Variants in TMEM60 observed in about 807,000 individuals in gnomAD.
TMEM60 encodes the protein chromosome 7 open reading frame 35.
In TMEM60, 4 loss-of-function variants were observed where a neutral mutation model predicts 10.7. That is an observed-to-expected ratio of 0.37 (90% confidence interval 0.18 to 0.86). The LOEUF is 0.86. Ranked by LOEUF, TMEM60 falls within the 40% of genes least tolerant of loss-of-function variation. The probability of loss-of-function intolerance (pLI) is 0.43; values close to 1 mark genes in which losing one functional copy is unlikely to be tolerated. For synonymous variants in TMEM60, 56 were observed against 58.1 expected, an observed-to-expected ratio of 0.96 and a Z score of 0.17; for missense variants, 128 against 153.4, an observed-to-expected ratio of 0.83 and a Z score of 0.88.
chr7:77,793,895 T>C lies in TMEM60; in HGVS notation c.*77A>G. 1 of 1,433,380 alleles carries C rather than the reference T, an allele frequency of 7.0e-7. No homozygotes were observed. The allele number at this position is 1,433,380 out of a possible 1,614,324, so 88.8% of individuals were successfully genotyped here. A position where few individuals can be genotyped will look rare whatever the true frequency, so the allele number is the denominator to read the frequency against. The stretch of plus-strand genomic sequence containing the variant: ...ATTTTCCCTCAGTTCTCTGGTATTC[T>C]TGAAGCTTGACAGATTCAGAACACT... On this transcript the variant is annotated 3_prime_UTR_variant, in exon 2 of 2. Transcript: ENST00000257663.
rs1460109986 is a variant in TMEM60 at position 77,794,431 on chromosome 7, A to C, written c.-50-8T>G. On this transcript the variant is annotated splice_region_variant and splice_polypyrimidine_tract_variant and intron_variant, in intron 1 of 1. Transcript: ENST00000257663. ...GAAAAAAGGAAATATACCCTAAGAGAAGGAGAAAAAGTCAAGATTGTTTTG... is the reference window on the plus strand; with the variant it reads ...GAAAAAAGGAAATATACCCTAAGAGCAGGAGAAAAAGTCAAGATTGTTTTG... 7.8e-6 allele frequency: 11 copies of C among 1,412,174 alleles called. No homozygotes were observed. The highest frequency in any genetic ancestry group is 1.0e-5 in the Non-Finnish European group (11 of 1,079,944). 87.5% of individuals were successfully genotyped at this position (1,412,174 alleles called of 1,614,324 possible). A position where few individuals can be genotyped will look rare whatever the true frequency, so the allele number is the denominator to read the frequency against.
intron 1 of TMEM60, among the ~76,000 whole-genome samples, chr7:77,795,038 G>A (rs552545893): frequency 6.6e-6 from 1 of 152,196 alleles, no homozygotes; most frequent in South Asian, 2.1e-4. Context: ...CCTTGTAGTC[G>A]CAGCTACTGA....
chr7:77,797,851 C>T (rs771551020), intron 1 of TMEM60, among the ~76,000 whole-genome samples: 11 of 152,128 alleles, frequency 7.2e-5, no homozygotes, highest in Admixed American at 2.6e-4. Context: ...TTCATGAGCC[C>T]ACATATTTAT....
chr7:77,796,056 G>C (rs904231943), intron 1 of TMEM60, among the ~76,000 whole-genome samples: 9 of 151,942 alleles, frequency 5.9e-5, no homozygotes, highest in Non-Finnish European at 1.3e-4. Flanking sequence ...TCCCACTTAA[G>C]TTTCCCAAGT....
At chr7:77,794,565 A>T (rs1162962944) in intron 1 of TMEM60, 142 bp from the exon 2 acceptor site, 1 of 541,416 alleles carries the variant, frequency 1.8e-6, no homozygotes, top group African/African-American at 2.0e-5. Context: ...CAAATCCTCT[A>T]AAACTTAGTG....
In TMEM60 at chr7:77,797,956, C is replaced by T. The variant is rs561992843; in HGVS notation, c.-51+298G>A. Among the ~76,000 whole-genome samples, 23 of 152,368 alleles carry T rather than the reference C, an allele frequency of 1.5e-4. No individual in the cohort carries two copies. In the South Asian group the frequency reaches 4.8e-3, roughly 32 times the overall value. On this transcript the variant is annotated intron_variant, in intron 1 of 1. Coordinates refer to ENST00000257663, the MANE Select transcript of TMEM60 (RefSeq NM_032936.4). ...GCTTACAACTTAGCTCATCTGGGGG[C>T]CTATTTGCCCCTGGAACTTCAGGAC...
chr7:77,797,575 CAAGA>C (rs1478725166), intron 1 of TMEM60, among the ~76,000 whole-genome samples: 1 of 152,206 alleles, frequency 6.6e-6, no homozygotes, highest in East Asian at 1.9e-4. Flanking sequence ...ATTCTCTCCA[CAAGA>C]AAGGGGGAGG....
chr7:77,795,358 A>G (rs1320969373), intron 1 of TMEM60, among the ~76,000 whole-genome samples: 1 of 152,116 alleles, frequency 6.6e-6, no homozygotes, highest in East Asian at 1.9e-4. Context: ...CGTCTCTACT[A>G]AAAATACAAA....
intron 1 of TMEM60, among the ~76,000 whole-genome samples, 160 bp downstream of exon 1, chr7:77,798,094 G>A (rs1792229167): frequency 6.6e-6 from 1 of 152,128 alleles, no homozygotes; most frequent in South Asian, 2.1e-4. Context: ...AGTTTAACAC[G>A]GTTCCTGCTG....
rs1396620380 is a variant in TMEM60, at chr7:77,793,751, T to C, written c.*221A>G. ...AATGAGGTCCAAAACAAACTTTATT[T>C]ACATAGAGATAATAAGGATCTCAAT... On this transcript the variant is annotated 3_prime_UTR_variant, in exon 2 of 2. Transcript: ENST00000257663. 1 of 452,280 alleles carries C rather than the reference T, an allele frequency of 2.2e-6. No homozygotes were observed. The highest frequency in any genetic ancestry group is 3.8e-6 in the Non-Finnish European group (1 of 264,408). The allele number at this position is 452,280 out of a possible 1,614,324, so 28.0% of individuals were successfully genotyped here. A position where few individuals can be genotyped will look rare whatever the true frequency, so the allele number is the denominator to read the frequency against.
At chr7:77,796,837 T>C (rs1446631891) in intron 1 of TMEM60, among the ~76,000 whole-genome samples, 1 of 152,238 alleles carries the variant, frequency 6.6e-6, no homozygotes, top group Non-Finnish European at 1.5e-5. Context: ...AGAACTAACT[T>C]TGATGTACTG....
chr7:77,797,831 A>G (rs1792219705), intron 1 of TMEM60, among the ~76,000 whole-genome samples: 1 of 152,172 alleles, frequency 6.6e-6, no homozygotes, highest in Admixed American at 6.5e-5. Flanking sequence ...CATCCCAAAG[A>G]TAATTTTGCT....
At chr7:77,796,911 TATTTC>T (rs1792179814) in intron 1 of TMEM60, among the ~76,000 whole-genome samples, 1 of 152,248 alleles carries the variant, frequency 6.6e-6, no homozygotes, top group Non-Finnish European at 1.5e-5. Flanking sequence ...ACATCTGTTC[TATTTC>T]AACAGTTAAG....
chr7:77,797,110 A>C (rs548462803), intron 1 of TMEM60, among the ~76,000 whole-genome samples: 1 of 152,310 alleles, frequency 6.6e-6, no homozygotes, highest in African/African-American at 2.4e-5. Flanking sequence ...ATTTGGAAGC[A>C]GGGTTGGAGG....
chr7:77,796,232 C>G (rs776622793), intron 1 of TMEM60, among the ~76,000 whole-genome samples: 1 of 152,118 alleles, frequency 6.6e-6, no homozygotes, highest in Non-Finnish European at 1.5e-5. Context: ...GCCACCACGC[C>G]GGCCTCTTTT....
chr7:77,795,218 A>C (rs1288953873), intron 1 of TMEM60, among the ~76,000 whole-genome samples: 3 of 152,118 alleles, frequency 2.0e-5, no homozygotes, highest in Non-Finnish European at 2.9e-5. Context: ...AAGAATATAA[A>C]GTAGAATTAA....
intron 1 of TMEM60, among the ~76,000 whole-genome samples, 181 bp downstream of exon 1, chr7:77,798,073 G>C (rs928345503): frequency 2.0e-5 from 3 of 152,210 alleles, no homozygotes; most frequent in African/African-American, 7.2e-5. Flanking sequence ...TGTAAGCCCA[G>C]CACATGCTGG....
chr7:77,797,743 C>T (rs1380180709), intron 1 of TMEM60, among the ~76,000 whole-genome samples: 1 of 152,218 alleles, frequency 6.6e-6, no homozygotes, highest in African/African-American at 2.4e-5. Context: ...GAGCCCCACC[C>T]ACATAGCCCA....
chr7:77,797,563 C>G (rs1199852450), intron 1 of TMEM60, among the ~76,000 whole-genome samples: 1 of 152,206 alleles, frequency 6.6e-6, no homozygotes, highest in Non-Finnish European at 1.5e-5. Flanking sequence ...ATGTTTCCTA[C>G]TATTCTCTCC....
Sources: allele counts gnomAD v4.1 joint callset (sites outside exome capture counted in the v4.1 genomes callset), GRCh38; gene constraint gnomAD v4.1.1; transcripts MANE v1.5; gene names NCBI Gene and HGNC (gene_info 2026-07-23, HGNC 2026-07-21).